NHS: variants seen among roughly 807,000 people sequenced by gnomAD.
NHS encodes actin remodeling regulator NHS.
NHS carries 5 observed loss-of-function variants against 72.5 expected under a neutral mutation model. The ratio of observed to expected loss-of-function variants is 0.07; its 90% CI spans 0.04 to 0.14. NHS has a LOEUF of 0.14. NHS is among the 10% of genes least tolerant of loss of function. The probability of loss-of-function intolerance (pLI) is 1.00; values close to 1 mark genes in which losing one functional copy is unlikely to be tolerated. For missense variants in NHS, 1,072 were observed against 1,355.7 expected (o/e 0.79, Z 3.29); for synonymous variants, 464 against 547.7 (o/e 0.85, Z 2.13).
At chrX:17,455,735 G>A (rs1201461995) in intron 1 of NHS, among the ~76,000 whole-genome samples, 1 of 112,321 alleles carries the variant, frequency 8.9e-6, no homozygotes, top group African/African-American at 3.2e-5. Flanking sequence ...TTACTGGAGT[G>A]TCATTTGTTC....
intron 1 of NHS, among the ~76,000 whole-genome samples, chrX:17,425,568 A>AAAG (rs2064651899): frequency 1.3e-5 from 1 of 77,082 alleles, no homozygotes; most frequent in African/African-American, 6.3e-5. Flanking sequence ...AAAAAAAAAA[A>AAAG]AAAGAAAGAA....
At chrX:17,424,091 G>A (rs1401344659) in intron 1 of NHS, among the ~76,000 whole-genome samples, 1 of 112,520 alleles carries the variant, frequency 8.9e-6, no homozygotes, top group Admixed American at 9.4e-5. Context: ...TTGGGGTGGA[G>A]GGAGGAAGTG....
At chrX:17,536,004 C>G (rs1458694156) in intron 1 of NHS, among the ~76,000 whole-genome samples, 1 of 112,294 alleles carries the variant, frequency 8.9e-6, no homozygotes, top group African/African-American at 3.2e-5. Flanking sequence ...TGGCCAAGTT[C>G]CCCCTTCATT....
chrX:17,529,493 G>T (rs926520099), intron 1 of NHS, among the ~76,000 whole-genome samples: 6 of 111,703 alleles, frequency 5.4e-5, no homozygotes, highest in African/African-American at 2.0e-4. Context: ...GCTTCAGTTG[G>T]CTCCAGTTTG....
chrX:17,682,697 C>A (rs960376486), intron 1 of NHS, among the ~76,000 whole-genome samples: 1 of 111,120 alleles, frequency 9.0e-6, no homozygotes, highest in African/African-American at 3.3e-5. Context: ...GGGGAGAAAG[C>A]CAGTGTGGGG....
intron 1 of NHS, among the ~76,000 whole-genome samples, chrX:17,521,153 C>T: frequency 9.0e-6 from 1 of 111,715 alleles, no homozygotes; most frequent in Middle Eastern, 4.2e-3. Flanking sequence ...CCTGTGTGCT[C>T]AGAAATGTTA....
chrX:17,722,790 T>A (rs573188888), intron 5 of NHS, among the ~76,000 whole-genome samples: 1 of 111,183 alleles, frequency 9.0e-6, no homozygotes, highest in African/African-American at 3.3e-5. Context: ...CTAATTTTCA[T>A]TTCTGGAAAC....
chrX:17,416,819 T>TGTGTGTGTGTGTGTGTGTGTGTGTGA (rs1445369548), intron 1 of NHS, among the ~76,000 whole-genome samples: 3 of 98,194 alleles, frequency 3.1e-5, no homozygotes, highest in Admixed American at 1.1e-4. Flanking sequence ...TGTGTGTGTG[T>TGTGTGTGTGTGTGTGTGTGTGTGTGA]GAGAGAGAGA....
chrX:17,569,130 G>GT (rs2065461871), intron 1 of NHS, among the ~76,000 whole-genome samples: 1 of 111,798 alleles, frequency 8.9e-6, no homozygotes, highest in African/African-American at 3.3e-5. Flanking sequence ...AAACATACGT[G>GT]TGCATGTGTC....
At chrX:17,397,151 A>G (rs1244270332) in intron 1 of NHS, among the ~76,000 whole-genome samples, 3 of 112,823 alleles carry the variant, frequency 2.7e-5, no homozygotes, top group South Asian at 3.6e-4. Flanking sequence ...ACACTTCCCT[A>G]TGGGCTTCCT....
At chrX:17,432,892 G>A (rs1044147852) in intron 1 of NHS, among the ~76,000 whole-genome samples, 4 of 111,754 alleles carry the variant, frequency 3.6e-5, no homozygotes, top group African/African-American at 9.8e-5. Flanking sequence ...GGCGACAGTG[G>A]GAGCCAGAGA....
intron 4 of NHS, among the ~76,000 whole-genome samples, chrX:17,720,519 A>T (rs1384126658): frequency 8.9e-6 from 1 of 112,743 alleles, no homozygotes; most frequent in Non-Finnish European, 1.9e-5. Flanking sequence ...GAGTCTTTTA[A>T]TCATCTAGTT....
chrX:17,673,166 C>A (rs2066058085), intron 1 of NHS, among the ~76,000 whole-genome samples: 1 of 96,384 alleles, frequency 1.0e-5, no homozygotes, highest in Non-Finnish European at 2.0e-5. Flanking sequence ...CATTGCTTAG[C>A]TGGAAGATGA....
intron 1 of NHS, among the ~76,000 whole-genome samples, chrX:17,590,861 T>C (rs2065600012): frequency 8.9e-6 from 1 of 111,944 alleles, no homozygotes; most frequent in African/African-American, 3.3e-5. Context: ...TGAAAGGAAC[T>C]ATGTCCAAAT....
At chrX:17,423,215 C>T (rs1437072790) in intron 1 of NHS, among the ~76,000 whole-genome samples, 1 of 112,097 alleles carries the variant, frequency 8.9e-6, no homozygotes, top group Non-Finnish European at 1.9e-5. Context: ...AAGCACTGTG[C>T]CAATGGCTTT....
chrX:17,431,947 G>A (rs1012632711), intron 1 of NHS, among the ~76,000 whole-genome samples: 1 of 111,911 alleles, frequency 8.9e-6, no homozygotes, highest in Non-Finnish European at 1.9e-5. Context: ...CTACCAGCAG[G>A]TTTAGGCTCC....
intron 1 of NHS, among the ~76,000 whole-genome samples, chrX:17,454,636 T>C (rs952982132): frequency 1.2e-4 from 13 of 112,299 alleles, no homozygotes; most frequent in Non-Finnish European, 2.1e-4. Flanking sequence ...GCGGGAGTCA[T>C]ATTGTCTCTG....
chrX:17,628,667 C>G (rs1457682927), intron 1 of NHS, among the ~76,000 whole-genome samples: 1 of 113,094 alleles, frequency 8.8e-6, no homozygotes, highest in Admixed American at 9.3e-5. Context: ...CTTTCTGAGG[C>G]AGGATAATGG....
At chrX:17,681,543 G>C (rs988427186) in intron 1 of NHS, among the ~76,000 whole-genome samples, 2 of 111,441 alleles carry the variant, frequency 1.8e-5, no homozygotes, top group Non-Finnish European at 3.8e-5. Flanking sequence ...GGACAGGACA[G>C]GGCAGCACAT....
Sources: allele counts gnomAD v4.1 joint callset (sites outside exome capture counted in the v4.1 genomes callset), GRCh38; gene constraint gnomAD v4.1.1; transcripts MANE v1.5; gene names NCBI Gene and HGNC (gene_info 2026-07-23, HGNC 2026-07-21).